The following KIAA1217 variants were observed in gnomAD, a reference collection of about 807,000 sequenced individuals.
KIAA1217 encodes sickle tail protein homolog.
A neutral mutation model predicts 163.9 loss-of-function variants in KIAA1217; 88 were observed. The observed-to-expected ratio is 0.54, with a 90% confidence interval of 0.45 to 0.64. KIAA1217 has a LOEUF of 0.64. KIAA1217 is among the 30% of genes least tolerant of loss of function. The pLI is 0.00. For missense variants in KIAA1217, 2,372 were observed against 2,475.0 expected (o/e 0.96, Z 0.88); for synonymous variants, 903 against 923.1 (o/e 0.98, Z 0.39).
chr10:23,754,946 G>T (rs1288377452), intron 1 of KIAA1217, among the ~76,000 whole-genome samples: 1 of 145,150 alleles, frequency 6.9e-6, no homozygotes, highest in Non-Finnish European at 1.5e-5. Context: ...CAAAGGAAAA[G>T]GAATTAAAAA....
intron 5 of KIAA1217, among the ~76,000 whole-genome samples, chr10:24,450,093 A>G (rs745622360): frequency 2.9e-4 from 44 of 152,182 alleles, no homozygotes; most frequent in Non-Finnish European, 2.8e-4. Flanking sequence ...TTGTTGATTT[A>G]TGTGCTCTGT....
chr10:24,073,924 G>A (rs980428871), intron 2 of KIAA1217, among the ~76,000 whole-genome samples: 3 of 152,072 alleles, frequency 2.0e-5, no homozygotes, highest in Non-Finnish European at 2.9e-5. Flanking sequence ...GCATAATTGG[G>A]TGGATTTCAC....
chr10:24,109,120 C>T (rs780422816), intron 2 of KIAA1217, among the ~76,000 whole-genome samples: 2 of 152,130 alleles, frequency 1.3e-5, no homozygotes, highest in East Asian at 1.9e-4. Context: ...CATGAGCTAC[C>T]GTGCCTGGCC....
chr10:24,130,590 G>C (rs2063618126), intron 2 of KIAA1217, among the ~76,000 whole-genome samples: 1 of 152,096 alleles, frequency 6.6e-6, no homozygotes, highest in Non-Finnish European at 1.5e-5. Flanking sequence ...TGGAGTTCCT[G>C]CATTCTTAAT....
chr10:23,864,367 C>G (rs1840086070), intron 1 of KIAA1217, among the ~76,000 whole-genome samples: 1 of 152,044 alleles, frequency 6.6e-6, no homozygotes, highest in Non-Finnish European at 1.5e-5. Flanking sequence ...AAAGACCCTT[C>G]AGTATCTTCT....
intron 1 of KIAA1217, among the ~76,000 whole-genome samples, chr10:23,819,065 A>G (rs1236506893): frequency 6.6e-6 from 1 of 152,228 alleles, no homozygotes; most frequent in East Asian, 1.9e-4. Flanking sequence ...ATGATATTAA[A>G]GCAATCTTTA....
chr10:23,699,315 A>C (rs1836262341), intron 1 of KIAA1217, among the ~76,000 whole-genome samples: 1 of 152,214 alleles, frequency 6.6e-6, no homozygotes, highest in African/African-American at 2.4e-5. Context: ...ACATCAAAGA[A>C]TCACAGTTTC....
At chr10:24,211,957 T>A (rs906623768) in intron 1 of KIAA1217, among the ~76,000 whole-genome samples, 1 of 151,686 alleles carries the variant, frequency 6.6e-6, no homozygotes, top group Non-Finnish European at 1.5e-5. Context: ...GGCAGGAGGA[T>A]CACTTCAGCC....
intron 1 of KIAA1217, among the ~76,000 whole-genome samples, chr10:23,711,853 G>A (rs527343215): frequency 6.6e-6 from 1 of 152,126 alleles, no homozygotes; most frequent in African/African-American, 2.4e-5. Context: ...GGAATTAGAG[G>A]CTCACACAAC....
intron 2 of KIAA1217, among the ~76,000 whole-genome samples, chr10:24,305,291 G>A (rs1041069608): frequency 3.3e-5 from 5 of 152,120 alleles, no homozygotes; most frequent in Non-Finnish European, 7.4e-5. Context: ...TTTATTTGGA[G>A]AGCCAGCAAA....
intron 1 of KIAA1217, among the ~76,000 whole-genome samples, chr10:23,740,546 G>T (rs1288166603): frequency 6.6e-6 from 1 of 152,096 alleles, no homozygotes; most frequent in Non-Finnish European, 1.5e-5. Context: ...TTTTTGTAAA[G>T]ATGGGGTCCT....
At chr10:24,469,179 A>G (rs187133629) in intron 5 of KIAA1217, among the ~76,000 whole-genome samples, 207 of 152,052 alleles carry the variant, frequency 1.4e-3, no homozygotes, top group Non-Finnish European at 2.4e-3. Context: ...AGGTTGGAGT[A>G]CTGTGGTGTA....
At chr10:24,184,654 T>C (rs1484013672) in intron 2 of KIAA1217, among the ~76,000 whole-genome samples, 2 of 152,220 alleles carry the variant, frequency 1.3e-5, no homozygotes, top group Non-Finnish European at 2.9e-5. Context: ...AGCAGCAGGA[T>C]TCCAGCCCAT....
intron 2 of KIAA1217, among the ~76,000 whole-genome samples, chr10:24,296,589 C>G (rs1433955868): frequency 1.3e-5 from 2 of 152,116 alleles, no homozygotes; most frequent in Non-Finnish European, 2.9e-5. Context: ...AGGGAGGTTA[C>G]CTCATAATTA....
chr10:23,812,842 T>C lies in KIAA1217; in HGVS notation c.-321+117608T>C, dbSNP rs139497664. ...TGGCTTATTTTACTTAGCATAACATTTTCAAGGTTTCTTCTTGGGTTGTTT... is the reference window on the plus strand; with the variant it reads ...TGGCTTATTTTACTTAGCATAACATCTTCAAGGTTTCTTCTTGGGTTGTTT... On this transcript the variant is annotated intron_variant, in intron 1 of 18. Transcript: ENST00000376462. Among the ~76,000 whole-genome samples, 56 of 152,322 alleles carry C rather than the reference T, an allele frequency of 3.7e-4. No homozygotes were observed. The East Asian group carries it at 6.9e-3, about 19-fold the overall frequency.
intron 2 of KIAA1217, among the ~76,000 whole-genome samples, chr10:24,252,881 C>G (rs1393011713): frequency 1.3e-5 from 2 of 151,730 alleles, no homozygotes; most frequent in Non-Finnish European, 2.9e-5. Context: ...GTGGCTCATG[C>G]TTGTAATCCC....
chr10:24,524,710 G>T lies in KIAA1217; in HGVS notation c.2844G>T (p.Leu948Phe), dbSNP rs2071821329. ...TGAATGGGTCTGCCATGCAGAGCTT[G>T]TTCATTGAAGAAATCCACAGTGTGA... ...IPMNGSAMQS[L>F]FIEEIHSVSA... is the part of the protein sequence containing the mutation. Residue 948 changes from leucine (L) to phenylalanine (F), a missense_variant, in exon 13 of 21, where the codon TTG becomes TTT. This residue lies in a region of KIAA1217 where 1,431 missense variants were observed against 1,470.3 expected (regional missense o/e 0.97). Transcript: ENST00000376454. The T allele has an allele frequency of 3.7e-6, 6 of 1,611,438 alleles. No homozygotes were observed. In the South Asian group the frequency reaches 5.5e-5, roughly 15 times the overall value.
chr10:24,078,277 T>C (rs2061430423), intron 2 of KIAA1217, among the ~76,000 whole-genome samples: 1 of 152,044 alleles, frequency 6.6e-6, no homozygotes, highest in African/African-American at 2.4e-5. Flanking sequence ...GGCCTTGGGG[T>C]TTGGAGGACT....
At chr10:23,790,479 GCA>G (rs1669643646) in intron 1 of KIAA1217, among the ~76,000 whole-genome samples, 2 of 99,404 alleles carry the variant, frequency 2.0e-5, no homozygotes, top group South Asian at 2.8e-4. Context: ...ATATACATGT[GCA>G]TATATACATA....
Sources: gnomAD v4.1 joint callset for allele counts (sites outside exome capture counted in the v4.1 genomes callset) on GRCh38, gnomAD v4.1.1 for gene constraint, gnomAD v4.1.1 regional missense constraint, MANE v1.5 for transcripts, NCBI Gene and HGNC (gene_info 2026-07-23, HGNC 2026-07-21) for gene names.